Variants in CNTN4 observed in about 807,000 individuals in gnomAD.
CNTN4 encodes contactin 4.
Under a neutral mutation model 122.5 loss-of-function variants are expected in CNTN4, and 77 were observed. The ratio of observed to expected loss-of-function variants is 0.63; its 90% CI spans 0.52 to 0.76. The LOEUF (loss-of-function observed/expected upper bound fraction) is 0.76, where lower values mean the gene tolerates loss of function less well. Among genes scored for constraint, CNTN4 ranks in the 30% least tolerant of loss-of-function variants. The pLI, the probability that CNTN4 is intolerant of heterozygous loss-of-function variation, is 0.00. For missense variants in CNTN4, 1,256 were observed against 1,259.1 expected (o/e 1.00, Z 0.04); for synonymous variants, 512 against 447.0 (o/e 1.15, Z -1.83).
At chr3:2,120,586 A>G (rs1559261489) in intron 2 of CNTN4, among the ~76,000 whole-genome samples, 1 of 151,022 alleles carries the variant, frequency 6.6e-6, no homozygotes, top group Non-Finnish European at 1.5e-5. Context: ...TATTTTTAGT[A>G]GAGAGGAGGG....
intron 4 of CNTN4, among the ~76,000 whole-genome samples, chr3:2,649,141 G>C (rs532082581): frequency 6.6e-6 from 1 of 152,210 alleles, no homozygotes; most frequent in Non-Finnish European, 1.5e-5. Context: ...ACATAAAAGT[G>C]CAAGGTGTAG....
intron 3 of CNTN4, among the ~76,000 whole-genome samples, chr3:2,355,706 A>G (rs2044843822): frequency 6.6e-6 from 1 of 152,178 alleles, no homozygotes; most frequent in Non-Finnish European, 1.5e-5. Flanking sequence ...CTAGACTAAC[A>G]TGACCCACTG....
At chr3:2,906,086 C>T (rs970303763) in intron 12 of CNTN4, among the ~76,000 whole-genome samples, 1 of 151,678 alleles carries the variant, frequency 6.6e-6, no homozygotes, top group Non-Finnish European at 1.5e-5. Context: ...ATAAGTCAGG[C>T]ACAGAAAAAT....
intron 6 of CNTN4, among the ~76,000 whole-genome samples, chr3:2,765,286 G>T (rs1164236365): frequency 6.6e-6 from 1 of 152,148 alleles, no homozygotes; most frequent in Non-Finnish European, 1.5e-5. Flanking sequence ...GCACGGAGAT[G>T]AAAGGATGAG....
At chr3:2,342,125 T>C (rs2044232561) in intron 3 of CNTN4, among the ~76,000 whole-genome samples, 1 of 152,262 alleles carries the variant, frequency 6.6e-6, no homozygotes, top group Admixed American at 6.5e-5. Context: ...ATTTTGGCTT[T>C]GTTTTCAAAG....
At chr3:2,107,647 G>A (rs889766984) in intron 2 of CNTN4, among the ~76,000 whole-genome samples, 7 of 152,106 alleles carry the variant, frequency 4.6e-5, no homozygotes, top group African/African-American at 1.4e-4. Flanking sequence ...TGGTGATTTT[G>A]CAGCTCTTCA....
At chr3:2,429,801 C>A (rs1027330845) in intron 3 of CNTN4, among the ~76,000 whole-genome samples, 3 of 152,182 alleles carry the variant, frequency 2.0e-5, no homozygotes, top group Non-Finnish European at 2.9e-5. Context: ...CCTCCCCCAG[C>A]CTTGCTGCCA....
At chr3:2,639,785 A>G (rs999224978) in intron 4 of CNTN4, among the ~76,000 whole-genome samples, 8 of 152,346 alleles carry the variant, frequency 5.3e-5, no homozygotes, top group African/African-American at 1.9e-4. Context: ...GAAATACAGA[A>G]GGGAAAAGAA....
intron 2 of CNTN4, among the ~76,000 whole-genome samples, chr3:2,180,388 T>C (rs1400055890): frequency 6.6e-6 from 1 of 152,000 alleles, no homozygotes; most frequent in Non-Finnish European, 1.5e-5. Flanking sequence ...ACCTTATCAA[T>C]AGTAGAATAG....
At chr3:2,167,265 G>T (rs752398718) in intron 2 of CNTN4, among the ~76,000 whole-genome samples, 11 of 151,948 alleles carry the variant, frequency 7.2e-5, no homozygotes, top group Non-Finnish European at 1.5e-4. Context: ...TGGACATATG[G>T]TTCAAAAATG....
chr3:2,741,331 A>C (rs975461853), intron 5 of CNTN4, among the ~76,000 whole-genome samples: 1 of 152,222 alleles, frequency 6.6e-6, no homozygotes, highest in South Asian at 2.1e-4. Flanking sequence ...TGAAGTCTTC[A>C]CAGAAAAGGA....
intron 2 of CNTN4, among the ~76,000 whole-genome samples, chr3:2,129,428 G>C (rs533388409): frequency 7.0e-6 from 1 of 143,522 alleles, no homozygotes; most frequent in Non-Finnish European, 1.5e-5. Flanking sequence ...AGTTGTTTTC[G>C]ATATGCTATT....
At chr3:3,021,135 C>T (rs762483011) in intron 14 of CNTN4, among the ~76,000 whole-genome samples, 2 of 152,106 alleles carry the variant, frequency 1.3e-5, no homozygotes, top group Non-Finnish European at 2.9e-5. Flanking sequence ...TAGTTTTTTG[C>T]CTTTATCCCT....
At chr3:2,534,154 G>T (rs2077707699) in intron 3 of CNTN4, among the ~76,000 whole-genome samples, 1 of 151,996 alleles carries the variant, frequency 6.6e-6, no homozygotes, top group Non-Finnish European at 1.5e-5. Flanking sequence ...CATTGCTTTT[G>T]GTGTTTTAAA....
At chr3:2,985,574 A>G (rs1694480405) in intron 13 of CNTN4, 1 of 152,386 alleles carries the variant, frequency 6.6e-6, no homozygotes, top group African/African-American at 2.4e-5. Flanking sequence ...CTCACTGGCC[A>G]TGGCTCCAGC....
At chr3:2,521,160 G>A (rs2077198398) in intron 3 of CNTN4, among the ~76,000 whole-genome samples, 4 of 152,082 alleles carry the variant, frequency 2.6e-5, no homozygotes. Flanking sequence ...GCCATATGAA[G>A]TGGATGAACA....
chr3:2,831,641 C>T (rs571962625), intron 7 of CNTN4, among the ~76,000 whole-genome samples: 1 of 152,332 alleles, frequency 6.6e-6, no homozygotes, highest in South Asian at 2.1e-4. Flanking sequence ...TCTTCACTGT[C>T]ACAATTAACC....
chr3:2,859,521 A>G (rs999912902), intron 7 of CNTN4, among the ~76,000 whole-genome samples: 1 of 145,162 alleles, frequency 6.9e-6, no homozygotes, highest in South Asian at 2.3e-4. Context: ...CATGCTAACA[A>G]AAAGGATGCT....
intron 3 of CNTN4, among the ~76,000 whole-genome samples, chr3:2,500,034 C>A (rs979920888): frequency 7.9e-5 from 12 of 152,152 alleles, no homozygotes; most frequent in Admixed American, 3.3e-4. Flanking sequence ...CTTTTAATAT[C>A]CATTTTTAAT....
Sources: allele counts gnomAD v4.1 joint callset (sites outside exome capture counted in the v4.1 genomes callset), GRCh38; gene constraint gnomAD v4.1.1; transcripts MANE v1.5; gene names NCBI Gene and HGNC (gene_info 2026-07-23, HGNC 2026-07-21).